SLC5A11: variants seen among roughly 807,000 people sequenced by gnomAD.
SLC5A11 encodes sodium/myo-inositol cotransporter 2.
A neutral mutation model predicts 69.8 loss-of-function variants in SLC5A11; 48 were observed. The observed-to-expected ratio is 0.69, with a 90% CI of 0.55 to 0.87. The LOEUF is 0.87. Among genes scored for constraint, SLC5A11 ranks in the 40% least tolerant of loss-of-function variants. The probability of loss-of-function intolerance (pLI) is 0.00; values close to 1 mark genes in which losing one functional copy is unlikely to be tolerated. For synonymous variants in SLC5A11, 319 were observed against 342.4 expected, an observed-to-expected ratio of 0.93 and a Z score of 0.75; for missense variants, 784 against 866.1, an observed-to-expected ratio of 0.91 and a Z score of 1.19.
chr16:24,886,686 C>A (rs7200514), intron 8 of SLC5A11, among the ~76,000 whole-genome samples: 58,775 of 151,922 alleles, frequency 0.39, 12,614 homozygotes, highest in Non-Finnish European at 0.49. Context: ...TATAAGAATA[C>A]TTTTTAAATA....
intron 9 of SLC5A11, among the ~76,000 whole-genome samples, chr16:24,893,546 T>G (rs1397727021): frequency 6.6e-6 from 1 of 151,464 alleles, no homozygotes; most frequent in Admixed American, 6.6e-5. Context: ...GTTTCTGAAC[T>G]TCTTTTTTAT....
At chr16:24,874,189 G>T (rs536202901) in intron 5 of SLC5A11, among the ~76,000 whole-genome samples, 1 of 152,246 alleles carries the variant, frequency 6.6e-6, no homozygotes, top group South Asian at 2.1e-4. Context: ...ATGCGGTATC[G>T]TGTAGTGTGA....
intron 3 of SLC5A11, among the ~76,000 whole-genome samples, chr16:24,864,809 GA>G (rs910236739): frequency 1.4e-5 from 2 of 145,132 alleles, no homozygotes; most frequent in African/African-American, 5.4e-5. Context: ...TAAAGAGATA[GA>G]TTTTTTTTTA....
chr16:24,858,748 C>T (rs1567575466), exon 2 of SLC5A11: 4 of 1,611,572 alleles, frequency 2.5e-6, no homozygotes, highest in African/African-American at 2.7e-5. Context: ...TAGTTCTGTA[C>T]TTCCTCTTTG....
intron 1 of SLC5A11, among the ~76,000 whole-genome samples, chr16:24,850,318 G>A (rs1157520107): frequency 6.6e-6 from 1 of 152,234 alleles, no homozygotes; most frequent in Non-Finnish European, 1.5e-5. Context: ...ATCAACGGGT[G>A]GAGGAGGCCA....
At chr16:24,877,620 C>A (rs2047759572) in intron 7 of SLC5A11, among the ~76,000 whole-genome samples, 1 of 152,316 alleles carries the variant, frequency 6.6e-6, no homozygotes, top group East Asian at 1.9e-4. Flanking sequence ...GAAGCCGAGG[C>A]AGGTGGATCA....
chr16:24,878,401 AC>A (rs1004130321), intron 7 of SLC5A11, among the ~76,000 whole-genome samples: 2 of 152,104 alleles, frequency 1.3e-5, no homozygotes, highest in Non-Finnish European at 2.9e-5. Flanking sequence ...CTTGAGAAGT[AC>A]CTGTTTTTAA....
At chr16:24,876,070 C>A (rs2047652355) in intron 6 of SLC5A11, among the ~76,000 whole-genome samples, 1 of 152,058 alleles carries the variant, frequency 6.6e-6, no homozygotes. Context: ...GTGGCTGATG[C>A]CTGTAGTCCC....
At chr16:24,850,524 C>T (rs758207721) in intron 1 of SLC5A11, among the ~76,000 whole-genome samples, 5 of 152,158 alleles carry the variant, frequency 3.3e-5, no homozygotes, top group Non-Finnish European at 5.9e-5. Flanking sequence ...GGAAAGGGTG[C>T]GAGTGGCTTC....
At chr16:24,862,255 G>A (rs2046617555) in intron 2 of SLC5A11, among the ~76,000 whole-genome samples, 2 of 152,212 alleles carry the variant, frequency 1.3e-5, no homozygotes, top group African/African-American at 2.4e-5. Context: ...GCTTGGCACA[G>A]CATCTGGCAC....
exon 9 of SLC5A11, chr16:24,890,963 C>G (rs888185785): frequency 6.2e-7 from 1 of 1,614,140 alleles, no homozygotes; most frequent in Admixed American, 1.7e-5. Context: ...GCGGGCTGCC[C>G]CGGGAAGATG....
chr16:24,877,237 A>G, intron 6 of SLC5A11, 21 bp from the exon 8 acceptor site: 1 of 1,611,882 alleles, frequency 6.2e-7, no homozygotes, highest in Non-Finnish European at 8.5e-7. Flanking sequence ...TTGTTCATCC[A>G]TCAACCTCCT....
chr16:24,878,470 G>T (rs1043532000), intron 7 of SLC5A11, among the ~76,000 whole-genome samples: 1 of 152,116 alleles, frequency 6.6e-6, no homozygotes, highest in African/African-American at 2.4e-5. Context: ...CTCTTGGCTT[G>T]ATATAACTCA....
intron 4 of SLC5A11, among the ~76,000 whole-genome samples, chr16:24,871,269 T>A (rs944508952): frequency 1.5e-5 from 2 of 136,136 alleles, no homozygotes; most frequent in African/African-American, 5.4e-5. Context: ...GCTTGTTTGT[T>A]TTGTTTTGTT....
At chr16:24,897,175 A>T (rs1212625064) in intron 9 of SLC5A11, among the ~76,000 whole-genome samples, 1 of 151,778 alleles carries the variant, frequency 6.6e-6, no homozygotes, top group Non-Finnish European at 1.5e-5. Context: ...GCTGGTCTTG[A>T]ACTCCTGGGC....
intron 2 of SLC5A11, among the ~76,000 whole-genome samples, chr16:24,860,525 C>CAGAATTCCCTGCAGA (rs2059722693): frequency 6.6e-6 from 1 of 152,058 alleles, no homozygotes; most frequent in African/African-American, 2.4e-5. Context: ...TTCCCTGCAG[C>CAGAATTCCCTGCAGA]AGAAATGCGT....
chr16:24,891,951 G>T (rs1195301761), intron 9 of SLC5A11, among the ~76,000 whole-genome samples: 1 of 151,496 alleles, frequency 6.6e-6, no homozygotes, highest in East Asian at 1.9e-4. Context: ...TTTAAAATGG[G>T]GTGACAGGTG....
intron 10 of SLC5A11, among the ~76,000 whole-genome samples, chr16:24,904,540 A>AT (rs1049076361): frequency 9.9e-5 from 15 of 151,844 alleles, no homozygotes; most frequent in Admixed American, 5.3e-4. Context: ...CCAGCCACCT[A>AT]TTTTTTTAAC....
chr16:24,873,301 G>GGAAGGAAA (rs1480860554), intron 5 of SLC5A11, among the ~76,000 whole-genome samples: 82 of 142,824 alleles, frequency 5.7e-4, no homozygotes, highest in Non-Finnish European at 5.5e-4. Context: ...AAGGAAGGAA[G>GGAAGGAAA]GAAATAAATA....
Sources: allele counts gnomAD v4.1 joint callset (sites outside exome capture counted in the v4.1 genomes callset), GRCh38; gene constraint gnomAD v4.1.1; transcripts MANE v1.5; gene names NCBI Gene and HGNC (gene_info 2026-07-23, HGNC 2026-07-21).